Variants in FRAS1 observed in about 807,000 individuals in gnomAD.
FRAS1 encodes the protein extracellular matrix organizing protein FRAS1.
A neutral mutation model predicts 435.2 loss-of-function variants in FRAS1; 290 were observed. The observed-to-expected ratio is 0.67, with a 90% CI of 0.61 to 0.73. The LOEUF is 0.73. Ranked by LOEUF, FRAS1 falls within the 30% of genes least tolerant of loss-of-function variation. The pLI is 0.00. For synonymous variants in FRAS1, 1,800 were observed against 1,851.0 expected (o/e 0.97, Z 0.71); for missense variants, 4,860 against 5,001.5 (o/e 0.97, Z 0.85).
chr4:78,533,817 A>G (rs1019022774), intron 70 of FRAS1, among the ~76,000 whole-genome samples: 1 of 152,190 alleles, frequency 6.6e-6, no homozygotes, highest in African/African-American at 2.4e-5. Context: ...TCTGGATTAG[A>G]TAGTTAAATT....
chr4:78,513,880 G>A (rs1721124190), intron 65 of FRAS1, among the ~76,000 whole-genome samples: 1 of 152,322 alleles, frequency 6.6e-6, no homozygotes, highest in Admixed American at 6.5e-5. Flanking sequence ...CATTTTTAAA[G>A]CACCTACTAT....
chr4:78,253,881 CTCTG>C (rs77848469), intron 5 of FRAS1, among the ~76,000 whole-genome samples: 46,106 of 151,836 alleles, frequency 0.3, 7,301 homozygotes, highest in East Asian at 0.37. Context: ...TAACTCAGTT[CTCTG>C]TCTGTGTAGT....
intron 2 of FRAS1, among the ~76,000 whole-genome samples, chr4:78,189,402 A>G (rs923002064): frequency 1.8e-4 from 28 of 152,212 alleles, no homozygotes; most frequent in African/African-American, 6.8e-4. Flanking sequence ...CACTTTCTTG[A>G]TCACTTTCGT....
intron 5 of FRAS1, among the ~76,000 whole-genome samples, chr4:78,254,567 G>T (rs1316450330): frequency 1.3e-5 from 2 of 152,158 alleles, no homozygotes; most frequent in Non-Finnish European, 2.9e-5. Context: ...GGTGTGGGGA[G>T]TAGGTTGTCT....
intron 2 of FRAS1, among the ~76,000 whole-genome samples, chr4:78,083,818 G>T (rs1176315554): frequency 6.6e-6 from 1 of 151,822 alleles, no homozygotes; most frequent in Non-Finnish European, 1.5e-5. Context: ...ACATTACCTG[G>T]ATCACTAATT....
intron 2 of FRAS1, among the ~76,000 whole-genome samples, chr4:78,177,757 G>A (rs567667825): frequency 1.8e-4 from 28 of 152,036 alleles, no homozygotes; most frequent in Admixed American, 3.9e-4. Context: ...CTTCCTTTCA[G>A]GTGCCTCACC....
intron 2 of FRAS1, among the ~76,000 whole-genome samples, chr4:78,131,703 T>C (rs1719692885): frequency 6.6e-6 from 1 of 152,194 alleles, no homozygotes; most frequent in Admixed American, 6.5e-5. Flanking sequence ...TCTATGGCTG[T>C]GCAAAGAACA....
At chr4:78,379,532 G>T in intron 26 of FRAS1, 194 bp from the exon 27 acceptor site, 1 of 584,714 alleles carries the variant, frequency 1.7e-6, no homozygotes, top group Non-Finnish European at 2.9e-6. Flanking sequence ...TGACGGTTGT[G>T]GTCTTTTGTA....
intron 59 of FRAS1, among the ~76,000 whole-genome samples, chr4:78,494,414 G>C (rs769595720): frequency 6.6e-6 from 1 of 152,146 alleles, no homozygotes; most frequent in Non-Finnish European, 1.5e-5. Flanking sequence ...TCTGGTGAGG[G>C]CTTCAGGAAG....
Position 78,543,164 on chromosome 4 carries a change from C to T in FRAS1, c.*2040C>T, listed in dbSNP as rs537659816. The T allele has an allele frequency of 6.6e-6, 1 of 152,326 alleles. No homozygotes were observed. Among genetic ancestry groups the T allele is most frequent in the East Asian group, 1.9e-4 (1 of 5,186 alleles). The allele number at this position is 152,326 out of a possible 1,614,324, so 9.4% of individuals were successfully genotyped here. On this transcript the variant is annotated 3_prime_UTR_variant, in exon 74 of 74. Transcript: ENST00000512123. ...AGCTTGGGCAATTCAGGGCAGAACT[C>T]CTGTATCAGCCTCATGGACACCCAG...
chr4:78,408,288 A>T (rs1733183809), intron 31 of FRAS1, among the ~76,000 whole-genome samples: 1 of 152,168 alleles, frequency 6.6e-6, no homozygotes. Flanking sequence ...CGAGAATTGG[A>T]TGGGGACACT....
At chr4:78,291,288 G>C (rs1300601476) in intron 14 of FRAS1, among the ~76,000 whole-genome samples, 1 of 152,206 alleles carries the variant, frequency 6.6e-6, no homozygotes, top group Non-Finnish European at 1.5e-5. Flanking sequence ...CCGGGGAGCT[G>C]GGGGTGGCTT....
At chr4:78,449,601 A>G (rs1231183931) in intron 44 of FRAS1, among the ~76,000 whole-genome samples, 1 of 152,182 alleles carries the variant, frequency 6.6e-6, no homozygotes, top group Non-Finnish European at 1.5e-5. Flanking sequence ...CCAGGGCCTT[A>G]TCTTCATCCC....
intron 38 of FRAS1, 114 bp downstream of exon 38, chr4:78,432,718 A>G (rs1734265218): frequency 2.4e-6 from 3 of 1,252,620 alleles, no homozygotes; most frequent in South Asian, 1.8e-5. Flanking sequence ...GGTCACGTAA[A>G]GAACATTTTT....
chr4:78,543,305 G>A lies in FRAS1; in HGVS notation c.*2181G>A, dbSNP rs977138612. ...TCCATTTGGCCCATTATTTGTAACT[G>A]TGTAACTGCTCCAAGTGCCAGAATG... On this transcript the variant is annotated 3_prime_UTR_variant, in exon 74 of 74. Coordinates refer to ENST00000512123, the MANE Select transcript of FRAS1 (RefSeq NM_025074.7). 4.6e-5 allele frequency: 7 copies of A among 152,370 alleles called. No homozygotes were observed. Among genetic ancestry groups the A allele is most frequent in the Admixed American group, 2.0e-4 (3 of 15,308 alleles). The allele number at this position is 152,370 out of a possible 1,614,324, so 9.4% of individuals were successfully genotyped here. A position where few individuals can be genotyped will look rare whatever the true frequency, so the allele number is the denominator to read the frequency against.
intron 7 of FRAS1, among the ~76,000 whole-genome samples, chr4:78,265,566 G>A (rs1726309978): frequency 6.6e-6 from 1 of 152,186 alleles, no homozygotes; most frequent in African/African-American, 2.4e-5. Flanking sequence ...GAGGCTGTTG[G>A]TGGTAGAACC....
intron 14 of FRAS1, among the ~76,000 whole-genome samples, chr4:78,303,412 G>A (rs1226501650): frequency 6.6e-6 from 1 of 152,178 alleles, no homozygotes; most frequent in African/African-American, 2.4e-5. Flanking sequence ...TTGGTAGCTT[G>A]ATGGGGATGG....
chr4:78,347,089 C>A (rs1003757106), intron 20 of FRAS1, among the ~76,000 whole-genome samples: 3 of 152,154 alleles, frequency 2.0e-5, no homozygotes, highest in Admixed American at 2.0e-4. Flanking sequence ...GCAAAGAAAA[C>A]CCTTCATCTT....
chr4:78,494,330 G>A (rs1165649203), intron 59 of FRAS1, among the ~76,000 whole-genome samples: 1 of 152,100 alleles, frequency 6.6e-6, no homozygotes, highest in Admixed American at 6.6e-5. Flanking sequence ...AGGCTGGGTA[G>A]TTCATAAAGA....
Sources: allele counts gnomAD v4.1 joint callset (sites outside exome capture counted in the v4.1 genomes callset), GRCh38; gene constraint gnomAD v4.1.1; transcripts MANE v1.5; gene names NCBI Gene and HGNC (gene_info 2026-07-23, HGNC 2026-07-21).